The following HPCAL1 variants were observed in gnomAD, a reference collection of about 807,000 sequenced individuals.
The protein encoded by HPCAL1 is hippocalcin-like protein 1.
In HPCAL1, 8 loss-of-function variants were observed where a neutral mutation model predicts 17.1. The observed-to-expected ratio is 0.47, with a 90% CI of 0.27 to 0.84. The LOEUF (loss-of-function observed/expected upper bound fraction) is 0.84, where lower values mean the gene tolerates loss of function less well. Among genes scored for constraint, HPCAL1 ranks in the 40% least tolerant of loss-of-function variants. The pLI is 0.13. For synonymous variants in HPCAL1, 112 were observed against 111.4 expected (o/e 1.01, Z -0.03); for missense variants, 165 against 271.1 (o/e 0.61, Z 2.75).
chr2:10,418,264 CATAAATAA>C (rs59197150), intron 2 of HPCAL1, among the ~76,000 whole-genome samples: 2 of 144,162 alleles, frequency 1.4e-5, no homozygotes, highest in Non-Finnish European at 3.0e-5. Context: ...ACTAAAAATA[CATAAATAA>C]ATAAATAAAT....
In HPCAL1 at chr2:10,377,055, A is replaced by G. The variant is rs1327785697; in HGVS notation, c.-110-19780A>G. Among the ~76,000 whole-genome samples the G allele has an allele frequency of 6.6e-6, 1 of 152,030 alleles. No homozygotes were observed. Among genetic ancestry groups the G allele is most frequent in the Non-Finnish European group, 1.5e-5 (1 of 67,994 alleles). ...AATACAATACATACTGTATTGTATT[A>G]ATCAGATATGTTGTCCTGTGTTATT... On this transcript the variant is annotated intron_variant, in intron 1 of 4. Transcript: ENST00000307845. The surrounding 1 kb of genome is among the most constrained non-coding windows in gnomAD (Gnocchi z 5.9).
chr2:10,363,573 C>A lies in HPCAL1; in HGVS notation c.-110-33262C>A, dbSNP rs1470447395. On this transcript the variant is annotated intron_variant, in intron 1 of 4. Transcript: ENST00000307845. This position sits in a 1 kb window ranked among gnomAD's most constrained non-coding sequence, Gnocchi z 4.7. ...AGCTGTATTTCTGGGAAGTGTGTGA[C>A]CCGAAGCCTCCTCCTGTCAGAACCA... 6.6e-6 allele frequency among the ~76,000 whole-genome samples: 1 copy of A among 152,176 alleles called. No individual in the cohort carries two copies. The highest frequency in any genetic ancestry group is 1.5e-5 in the Non-Finnish European group (1 of 68,024).
At position 10,395,044 on chromosome 2, in the gene HPCAL1, G is replaced by A. The variant is rs941870246; in HGVS notation, c.-110-1791G>A. Among the ~76,000 whole-genome samples, 3 of 151,624 alleles carry A rather than the reference G, an allele frequency of 2.0e-5. No individual in the cohort carries two copies. Among genetic ancestry groups the A allele is most frequent in the African/African-American group, 7.3e-5 (3 of 41,212 alleles). ...ACTCCTGGAGTCAAGCAATCCACCT[G>A]CCTCAGCTTCCCAGAGTGCTGGGAT... On this transcript the variant is annotated intron_variant, in intron 1 of 4. Coordinates refer to ENST00000307845, the MANE Select transcript of HPCAL1 (RefSeq NM_002149.4). The surrounding 1 kb of genome is among the most constrained non-coding windows in gnomAD (Gnocchi z 4.4).
chr2:10,315,131 A>T (rs1663231283), intron 1 of HPCAL1, among the ~76,000 whole-genome samples: 2 of 152,122 alleles, frequency 1.3e-5, no homozygotes. Flanking sequence ...CTCTACTAAA[A>T]ATACAAAAAA....
chr2:10,329,999 G>A (rs1262236112), intron 1 of HPCAL1, among the ~76,000 whole-genome samples: 2 of 152,208 alleles, frequency 1.3e-5, no homozygotes, highest in Non-Finnish European at 2.9e-5. Flanking sequence ...GGGCCACACG[G>A]AAGGAGTTCC....
At position 10,409,882 on chromosome 2, in the gene HPCAL1, C is replaced by T. The variant is rs562345932; in HGVS notation, c.-24-9852C>T. On this transcript the variant is annotated intron_variant, in intron 2 of 4. Coordinates refer to ENST00000307845, the MANE Select transcript of HPCAL1 (RefSeq NM_002149.4). The stretch of plus-strand genomic sequence containing the variant: ...TCAGCTCACTGCAACCTCCACCCTC[C>T]GGGTTCAAGCAATTCTCCCGTCTCA... 5.4e-5 allele frequency among the ~76,000 whole-genome samples: 8 copies of T among 147,636 alleles called. No individual in the cohort carries two copies. In the East Asian group the frequency reaches 1.2e-3, roughly 23 times the overall value.
At chr2:10,335,722 C>T (rs900075762) in intron 1 of HPCAL1, among the ~76,000 whole-genome samples, 3 of 152,208 alleles carry the variant, frequency 2.0e-5, no homozygotes, top group Non-Finnish European at 4.4e-5. Context: ...GCATTTGTGG[C>T]AGTTTCACTC....
chr2:10,393,833 GC>G (rs1170251314), intron 1 of HPCAL1, among the ~76,000 whole-genome samples: 1 of 151,952 alleles, frequency 6.6e-6, no homozygotes, highest in African/African-American at 2.4e-5. Context: ...TCCCCTTTAG[GC>G]CCGGGCGTGG....
intron 2 of HPCAL1, among the ~76,000 whole-genome samples, chr2:10,400,748 C>T (rs1669549787): frequency 6.6e-6 from 1 of 151,114 alleles, no homozygotes; most frequent in African/African-American, 2.4e-5. Context: ...TGCCTGCACA[C>T]ACGTACACAC....
At chr2:10,328,898 C>T (rs1664178872) in intron 1 of HPCAL1, among the ~76,000 whole-genome samples, 1 of 151,990 alleles carries the variant, frequency 6.6e-6, no homozygotes, top group African/African-American at 2.4e-5. Flanking sequence ...ACACCCCACC[C>T]CCACTCCCTT....
At chr2:10,352,790 C>G (rs946364939) in intron 1 of HPCAL1, among the ~76,000 whole-genome samples, 2 of 152,204 alleles carry the variant, frequency 1.3e-5, no homozygotes. Flanking sequence ...TCTGCCCAGG[C>G]CTTCTGAGCA....
intron 1 of HPCAL1, among the ~76,000 whole-genome samples, chr2:10,387,386 G>T (rs1045469624): frequency 6.6e-6 from 1 of 152,226 alleles, no homozygotes; most frequent in Non-Finnish European, 1.5e-5. Flanking sequence ...CTGCTGTGGG[G>T]CACGTCCACG....
At chr2:10,339,222 G>T (rs144448103) in intron 1 of HPCAL1, among the ~76,000 whole-genome samples, 9,658 of 152,104 alleles carry the variant, frequency 0.063, 863 homozygotes, top group African/African-American at 0.2. Flanking sequence ...GCATGATCTC[G>T]GCTCACTGCA....
At chr2:10,334,695 C>CTTTTTCTTTTTTTT (rs1553342211) in intron 1 of HPCAL1, among the ~76,000 whole-genome samples, 7 of 146,428 alleles carry the variant, frequency 4.8e-5, no homozygotes, top group African/African-American at 5.1e-5. Flanking sequence ...ATTCCATTGA[C>CTTTTTCTTTTTTTT]TTTTTTTTGA....
intron 1 of HPCAL1, among the ~76,000 whole-genome samples, chr2:10,361,239 T>G (rs1666506373): frequency 7.7e-6 from 1 of 129,592 alleles, no homozygotes; most frequent in Admixed American, 7.9e-5. Context: ...TGTAGAGGGA[T>G]GGGAGGGAAT....
Position 10,304,610 on chromosome 2 carries a change from G to A in HPCAL1, c.-111+1433G>A, listed in dbSNP as rs1353091325. Among the ~76,000 whole-genome samples, 1 of 152,214 alleles carries A rather than the reference G, an allele frequency of 6.6e-6. No homozygotes were observed. Among genetic ancestry groups the A allele is most frequent in the East Asian group, 1.9e-4 (1 of 5,198 alleles). ...CATTTACTTTTGAAACCTACTAGTCGTAAAATTGAACCGCAGTGAACGAGC... is the reference window on the plus strand; with the variant it reads ...CATTTACTTTTGAAACCTACTAGTCATAAAATTGAACCGCAGTGAACGAGC... On this transcript the variant is annotated intron_variant, in intron 1 of 4. Transcript: ENST00000307845. This position sits in a 1 kb window ranked among gnomAD's most constrained non-coding sequence, Gnocchi z 4.1.
Position 10,362,670 on chromosome 2 carries a change from G to A in HPCAL1, c.-110-34165G>A, listed in dbSNP as rs1666592930. Reference sequence around the variant, plus strand: ...GGATCCCATTTCTGCTGCTTTGGGAGAGAAGGGAGGGTAGCCCTGAGGCCA... The same window carrying A: ...GGATCCCATTTCTGCTGCTTTGGGAAAGAAGGGAGGGTAGCCCTGAGGCCA... On this transcript the variant is annotated intron_variant, in intron 1 of 4. Coordinates refer to ENST00000307845, the MANE Select transcript of HPCAL1 (RefSeq NM_002149.4). This position sits in a 1 kb window ranked among gnomAD's most constrained non-coding sequence, Gnocchi z 5.0. Among the ~76,000 whole-genome samples, 1 of 152,216 alleles carries A rather than the reference G, an allele frequency of 6.6e-6. No individual in the cohort carries two copies. Among genetic ancestry groups the A allele is most frequent in the South Asian group, 2.1e-4 (1 of 4,836 alleles).
At chr2:10,305,836 G>A (rs922166375) in intron 1 of HPCAL1, among the ~76,000 whole-genome samples, 1 of 152,198 alleles carries the variant, frequency 6.6e-6, no homozygotes, top group African/African-American at 2.4e-5. Flanking sequence ...GACTTCGCTT[G>A]GTGCAAACGC....
At chr2:10,364,475 G>A (rs946856983) in intron 1 of HPCAL1, among the ~76,000 whole-genome samples, 4 of 152,246 alleles carry the variant, frequency 2.6e-5, no homozygotes, top group African/African-American at 4.8e-5. Context: ...TGTGGGGCAC[G>A]AGGAGGCCGA....
Sources: gnomAD v4.1 joint callset for allele counts (sites outside exome capture counted in the v4.1 genomes callset) on GRCh38, gnomAD v4.1.1 for gene constraint, Gnocchi (gnomAD v3.1) non-coding constraint, MANE v1.5 for transcripts, NCBI Gene and HGNC (gene_info 2026-07-23, HGNC 2026-07-21) for gene names.